The following VIPAS39 variants were observed in gnomAD, a reference collection of about 807,000 sequenced individuals.
VIPAS39 encodes VPS33B interacting protein, apical-basolateral polarity regulator, spe-39 homolog.
Under a neutral mutation model 84.7 loss-of-function variants are expected in VIPAS39, and 63 were observed. The ratio of observed to expected loss-of-function variants is 0.74; its 90% CI spans 0.61 to 0.92. VIPAS39 has a LOEUF of 0.92. VIPAS39 is among the 40% of genes least tolerant of loss of function. The pLI is 0.00. For synonymous variants in VIPAS39, 192 were observed against 216.5 expected, an observed-to-expected ratio of 0.89 and a Z score of 0.99; for missense variants, 499 against 604.5, an observed-to-expected ratio of 0.83 and a Z score of 1.83.
In VIPAS39 at chr14:77,446,377, C is replaced by A. The variant is rs558769024; in HGVS notation, c.505-2036G>T. 7.9e-5 allele frequency among the ~76,000 whole-genome samples: 12 copies of A among 152,198 alleles called. No homozygotes were observed. The South Asian group carries it at 2.1e-3, about 26-fold the overall frequency. Reference sequence around the variant, plus strand: ...GGAGTGCAGTGATGCAATCACAGCTCACTGCAGCCTCAGCCTCCAGGGCTC... The same window carrying A: ...GGAGTGCAGTGATGCAATCACAGCTAACTGCAGCCTCAGCCTCCAGGGCTC... On this transcript the variant is annotated intron_variant, in intron 7 of 19. Transcript: ENST00000557658.
Position 77,443,158 on chromosome 14 carries a change from G to A in VIPAS39, c.598-6C>T. The stretch of plus-strand genomic sequence containing the variant: ...CTCTTCAGGAAAATCAGAACCTACA[G>A]GAAAAAAGAACAAAGACTGTGCAAA... On this transcript the variant is annotated splice_region_variant and splice_polypyrimidine_tract_variant and intron_variant, in intron 8 of 19. Transcript: ENST00000557658. 1 of 1,614,060 alleles carries A rather than the reference G, an allele frequency of 6.2e-7. No individual in the cohort carries two copies.
At chr14:77,443,485 A>G (rs2078735117) in intron 8 of VIPAS39, among the ~76,000 whole-genome samples, 1 of 152,220 alleles carries the variant, frequency 6.6e-6, no homozygotes, top group Admixed American at 6.5e-5. Context: ...ATGGTGACTC[A>G]TGCCCATAAT....
intron 10 of VIPAS39, among the ~76,000 whole-genome samples, chr14:77,441,967 T>C (rs1418561801): frequency 6.6e-6 from 1 of 152,170 alleles, no homozygotes; most frequent in East Asian, 1.9e-4. Flanking sequence ...TGCCTACCTC[T>C]CACCTATCAG....
intron 16 of VIPAS39, among the ~76,000 whole-genome samples, chr14:77,433,008 A>G (rs1594894842): frequency 6.6e-6 from 1 of 152,320 alleles, no homozygotes; most frequent in East Asian, 1.9e-4. Context: ...TATATACAAT[A>G]AAAATTAATT....
Position 77,433,943 on chromosome 14 carries a change from A to G in VIPAS39, c.1090-12T>C. On this transcript the variant is annotated splice_polypyrimidine_tract_variant and intron_variant, in intron 15 of 19. Coordinates refer to ENST00000557658, the MANE Select transcript of VIPAS39 (RefSeq NM_001193315.2). ...TGTTTATCTGGGATCTGGAAAGCAG[A>G]GACCGAGAAAAATTAAGGGGAAGTA... 5 of 1,613,806 alleles carry G rather than the reference A, an allele frequency of 3.1e-6. No homozygotes were observed. The highest frequency in any genetic ancestry group is 4.2e-6 in the Non-Finnish European group (5 of 1,179,816).
intron 12 of VIPAS39, among the ~76,000 whole-genome samples, 162 bp from the exon 13 acceptor site, chr14:77,436,081 G>C (rs2078606959): frequency 6.6e-6 from 1 of 152,208 alleles, no homozygotes; most frequent in South Asian, 2.1e-4. Context: ...TCGCATGAAT[G>C]GCGTGAATTT....
chr14:77,427,836 C>A (rs1375069438), intron 19 of VIPAS39, among the ~76,000 whole-genome samples, 200 bp from the exon 20 acceptor site: 1 of 152,132 alleles, frequency 6.6e-6, no homozygotes, highest in Non-Finnish European at 1.5e-5. Flanking sequence ...GCATTAAACA[C>A]CTATTTTGTA....
intron 14 of VIPAS39, among the ~76,000 whole-genome samples, chr14:77,434,676 AGGT>A (rs1391009067): frequency 6.6e-6 from 1 of 151,850 alleles, no homozygotes; most frequent in Non-Finnish European, 1.5e-5. Context: ...GTGGATCACG[AGGT>A]CAGGAGTTCA....
intron 11 of VIPAS39, among the ~76,000 whole-genome samples, chr14:77,438,861 G>A (rs1362403689): frequency 2.0e-5 from 3 of 152,200 alleles, no homozygotes; most frequent in Admixed American, 2.0e-4. Flanking sequence ...GCCAACAGAT[G>A]TATACAAAAA....
Position 77,457,537 on chromosome 14 carries a change from C to G in VIPAS39, c.-43G>C, listed in dbSNP as rs1196651266. On this transcript the variant is annotated 5_prime_UTR_variant, in exon 1 of 20. Transcript: ENST00000557658. The stretch of plus-strand genomic sequence containing the variant: ...CTCCCTCTCAGGACAGCGCCAGCCT[C>G]CGCCGCCGCTGGACCAGCCCTTCTA... 2.7e-6 allele frequency: 2 copies of G among 743,134 alleles called. No homozygotes were observed. The highest frequency in any genetic ancestry group is 2.7e-5 in the Admixed American group (1 of 36,534). 46.0% of individuals were successfully genotyped at this position (743,134 alleles called of 1,614,324 possible).
chr14:77,448,671 G>T, intron 6 of VIPAS39, 121 bp from the exon 7 acceptor site: 3 of 1,077,572 alleles, frequency 2.8e-6, no homozygotes, highest in Non-Finnish European at 2.8e-6. Flanking sequence ...GGGAGGGAAT[G>T]GATGTGAAAA....
At chr14:77,445,807 C>CTAATTCCACCTGTTA (rs1477064155) in intron 7 of VIPAS39, among the ~76,000 whole-genome samples, 1 of 151,928 alleles carries the variant, frequency 6.6e-6, no homozygotes, top group African/African-American at 2.4e-5. Context: ...GGCATGGTGG[C>CTAATTCCACCTGTTA]ACACACCTGT....
rs567539276 is a variant in VIPAS39, at chr14:77,427,870, T to C, written c.1462-234A>G. Among the ~76,000 whole-genome samples the C allele has an allele frequency of 7.9e-5, 12 of 152,358 alleles. No individual in the cohort carries two copies. In the South Asian group the frequency reaches 1.7e-3, roughly 21 times the overall value. ...TATTTTACAAGCCTAATTTTGGTCA[T>C]TTGACCCTAAGGTAGGTTCCAAAAT... On this transcript the variant is annotated intron_variant, in intron 19 of 19. Transcript: ENST00000557658.
intron 1 of VIPAS39, among the ~76,000 whole-genome samples, chr14:77,454,832 A>C (rs1485157890): frequency 6.6e-6 from 1 of 152,238 alleles, no homozygotes; most frequent in Non-Finnish European, 1.5e-5. Context: ...CAATCAGAAC[A>C]TGCACAAAAC....
chr14:77,428,720 C>T (rs560927355), intron 18 of VIPAS39, among the ~76,000 whole-genome samples: 1 of 152,210 alleles, frequency 6.6e-6, no homozygotes, highest in Admixed American at 6.5e-5. Flanking sequence ...GTCCAGTGCC[C>T]ACAGAACTCC....
intron 11 of VIPAS39, chr14:77,440,175 T>C (rs2078678624): frequency 6.6e-6 from 1 of 150,868 alleles, no homozygotes. Flanking sequence ...TAAGCTACCG[T>C]GCTTGGCTGG....
intron 14 of VIPAS39, 24 bp downstream of exon 14, chr14:77,435,235 G>C: frequency 1.2e-6 from 2 of 1,613,998 alleles, no homozygotes; most frequent in Non-Finnish European, 1.7e-6. Flanking sequence ...AGAGTTTGTG[G>C]AATCTTCCAT....
At chr14:77,448,120 A>C (rs984120550) in intron 7 of VIPAS39, among the ~76,000 whole-genome samples, 7 of 151,228 alleles carry the variant, frequency 4.6e-5, no homozygotes, top group African/African-American at 1.7e-4. Flanking sequence ...ACACCCGGCT[A>C]ATTTTTTATA....
chr14:77,428,416 TTATC>T lies in VIPAS39; in HGVS notation c.1411_1414del (p.Asp471LysfsTer26). On this transcript the variant is annotated frameshift_variant, in exon 19 of 20. Coordinates refer to ENST00000557658, the MANE Select transcript of VIPAS39 (RefSeq NM_001193315.2). LOFTEE classifies it high-confidence loss of function. ...AATCTTCTCCTCCTCTGCTGATCCT[TTATC>T]TACCTTACTCCTGTATGCTAGCAAC... is the stretch of plus-strand genomic sequence containing the variant. 2 of 1,614,070 alleles carry T rather than the reference TTATC, an allele frequency of 1.2e-6. No individual in the cohort carries two copies. The highest frequency in any genetic ancestry group is 1.7e-6 in the Non-Finnish European group (2 of 1,179,974).
Sources: gnomAD v4.1 joint callset for allele counts (sites outside exome capture counted in the v4.1 genomes callset) on GRCh38, gnomAD v4.1.1 for gene constraint, MANE v1.5 for transcripts, NCBI Gene and HGNC (gene_info 2026-07-23, HGNC 2026-07-21) for gene names.